The following SNED1 variants were observed in gnomAD, a reference collection of about 807,000 sequenced individuals.
The protein encoded by SNED1 is sushi, nidogen and EGF like domains 1.
In SNED1, 81 loss-of-function variants were observed where a neutral mutation model predicts 166.7. The ratio of observed to expected loss-of-function variants is 0.49; its 90% confidence interval spans 0.41 to 0.58. The LOEUF is 0.58. SNED1 is among the 20% of genes least tolerant of loss of function. SNED1 has a pLI of 0.00. For missense variants in SNED1, 1,604 were observed against 2,000.2 expected, an observed-to-expected ratio of 0.80 and a Z score of 3.78; for synonymous variants, 762 against 822.0, an observed-to-expected ratio of 0.93 and a Z score of 1.25.
chr2:241,071,302 G>A (rs2062701706), intron 24 of SNED1: 1 of 548,298 alleles, frequency 1.8e-6, no homozygotes, highest in Non-Finnish European at 3.3e-6. Context: ...CAGGGGCCTA[G>A]ACTCAGCCCT....
intron 9 of SNED1, 30 bp downstream of exon 9, chr2:241,048,470 T>G: frequency 1.9e-6 from 3 of 1,573,476 alleles, no homozygotes; most frequent in Non-Finnish European, 2.6e-6. Context: ...GCTGCCGTTT[T>G]AGGGCTGGGG....
intron 1 of SNED1, among the ~76,000 whole-genome samples, chr2:241,016,892 G>A (rs185814428): frequency 3.1e-5 from 4 of 128,548 alleles, no homozygotes; most frequent in Non-Finnish European, 4.7e-5. Flanking sequence ...TGCTCTTGTC[G>A]CCCAGGCTGG....
At chr2:241,036,979 G>C (rs2125025936) in intron 5 of SNED1, 64 bp downstream of exon 5, 1 of 1,541,072 alleles carries the variant, frequency 6.5e-7, no homozygotes, top group East Asian at 2.4e-5. Context: ...GAGCACTGTA[G>C]GCTCCGCCAG....
At position 241,013,130 on chromosome 2, in the gene SNED1, G is replaced by A. The variant is rs112962285; in HGVS notation, c.213+14080G>A. On this transcript the variant is annotated intron_variant, in intron 1 of 31. Transcript: ENST00000310397. The surrounding 1 kb of genome is among the most constrained non-coding windows in gnomAD (Gnocchi z 4.6). ...ATTACAGGCGTGAGCCACCGCGCCC[G>A]GCCACGAGCAGTACTGTTAACTACG... Among the ~76,000 whole-genome samples the A allele has an allele frequency of 0.12, 18,170 of 151,908 alleles. 1,464 individuals carry two copies. The highest frequency in any genetic ancestry group is 0.18 in the Non-Finnish European group (12,317 of 67,942).
At chr2:241,009,985 C>T (rs1430601353) in intron 1 of SNED1, 1 of 152,342 alleles carries the variant, frequency 6.6e-6, no homozygotes, top group Non-Finnish European at 1.5e-5. Flanking sequence ...CCAGCCCCCG[C>T]TGTGCCTGTG....
At chr2:241,066,516 C>T (rs1391187698) in intron 21 of SNED1, among the ~76,000 whole-genome samples, 3 of 152,140 alleles carry the variant, frequency 2.0e-5, no homozygotes, top group Admixed American at 2.0e-4. Flanking sequence ...GGACTCTCAC[C>T]CAACATGCCT....
chr2:241,032,956 A>G (rs548017357), intron 2 of SNED1, among the ~76,000 whole-genome samples: 3 of 152,182 alleles, frequency 2.0e-5, no homozygotes, highest in Non-Finnish European at 2.9e-5. Flanking sequence ...TTGCCATTCA[A>G]TTTGATCTTA....
At position 241,094,062 on chromosome 2, in the gene SNED1, A is replaced by G. The variant is rs2064225744; in HGVS notation, c.*2426A>G. 9.1e-6 allele frequency: 3 copies of G among 330,330 alleles called. No individual in the cohort carries two copies. Among genetic ancestry groups the G allele is most frequent in the South Asian group, 7.1e-5 (3 of 42,222 alleles). 20.5% of individuals were successfully genotyped at this position (330,330 alleles called of 1,614,324 possible). ...TCTAGGGAGGGTGGCAGTGACCGGG[A>G]TGCCACAATGGAAGAGAAAATGAAA... On this transcript the variant is annotated 3_prime_UTR_variant, in exon 32 of 32. Transcript: ENST00000310397. The surrounding 1 kb of genome is among the most constrained non-coding windows in gnomAD (Gnocchi z 4.3).
intron 27 of SNED1, among the ~76,000 whole-genome samples, chr2:241,079,113 C>CAA (rs1274280801): frequency 0.035 from 2,532 of 72,450 alleles, 53 homozygotes; most frequent in African/African-American, 0.045. Context: ...GACTCCATCT[C>CAA]AAAAAAAAAA....
chr2:241,066,350 A>C (rs1205535092), intron 21 of SNED1, among the ~76,000 whole-genome samples: 1 of 152,186 alleles, frequency 6.6e-6, no homozygotes, highest in Non-Finnish European at 1.5e-5. Flanking sequence ...GGAAGGAGAA[A>C]GGAGCCCTAG....
chr2:241,036,414 A>G (rs1260468545), intron 4 of SNED1, among the ~76,000 whole-genome samples: 9 of 152,068 alleles, frequency 5.9e-5, no homozygotes, highest in Non-Finnish European at 1.2e-4. Context: ...CGCTGACATG[A>G]CGGCTGAGTG....
chr2:241,088,227 G>A, intron 30 of SNED1, 138 bp from the exon 31 acceptor site: 1 of 703,006 alleles, frequency 1.4e-6, no homozygotes, highest in Admixed American at 2.1e-5. Context: ...AGCGGTGTCT[G>A]GACTAATGGT....
intron 8 of SNED1, among the ~76,000 whole-genome samples, chr2:241,047,255 G>A (rs575156129): frequency 3.9e-5 from 6 of 151,998 alleles, no homozygotes; most frequent in African/African-American, 1.2e-4. Flanking sequence ...GAATACTGCT[G>A]GGAATTAGGA....
chr2:241,017,353 C>A (rs12052678), intron 1 of SNED1, among the ~76,000 whole-genome samples: 44,008 of 152,022 alleles, frequency 0.29, 6,693 homozygotes, highest in Non-Finnish European at 0.35. Flanking sequence ...GCCAGCATGG[C>A]GTGGAGGGGA....
Position 241,094,763 on chromosome 2 carries a change from A to T in SNED1, c.*3127A>T, listed in dbSNP as rs1030910566. 1.8e-5 allele frequency: 3 copies of T among 170,218 alleles called. No individual in the cohort carries two copies. The highest frequency in any genetic ancestry group is 7.2e-5 in the African/African-American group (3 of 41,562). 10.5% of individuals were successfully genotyped at this position (170,218 alleles called of 1,614,324 possible). On this transcript the variant is annotated 3_prime_UTR_variant, in exon 32 of 32. Transcript: ENST00000310397. This position sits in a 1 kb window ranked among gnomAD's most constrained non-coding sequence, Gnocchi z 4.3. ...GCACCCCTGGCCTCTACCCACTAGA[A>T]TCCTACAATCTACCAGATCCTAGGA... is the stretch of plus-strand genomic sequence containing the variant.
Position 241,081,703 on chromosome 2 carries a change from C to T in SNED1, c.3943C>T (p.Pro1315Ser). Residue 1315 changes from proline (P) to serine (S), a missense_variant, in exon 28 of 32, where the codon CCC (proline) becomes TCC (serine). Pro to Ser is a moderately conservative substitution (Grantham distance 74). This residue lies in a region of SNED1 where 367 missense variants were observed against 379.4 expected (regional missense o/e 0.97). Coordinates refer to ENST00000310397, the MANE Select transcript of SNED1 (RefSeq NM_001080437.3). ...CGTCCCTGGCAACTGTTCAGAAAAC[C>T]CCTGTCAGAACGGAGGCACTTGTGT... ...GNVPGNCSEN[P>S]CQNGGTCVPG... is the part of the protein sequence containing the mutation. 6.2e-7 allele frequency: 1 copy of T among 1,608,370 alleles called. No individual in the cohort carries two copies. Among genetic ancestry groups the T allele is most frequent in the Non-Finnish European group, 8.5e-7 (1 of 1,177,368 alleles).
At chr2:241,076,556 T>C (rs2063028691) in intron 27 of SNED1, among the ~76,000 whole-genome samples, 1 of 152,204 alleles carries the variant, frequency 6.6e-6, no homozygotes, top group Non-Finnish European at 1.5e-5. Context: ...ATCATATCCT[T>C]TTAAAGATTA....
chr2:241,052,593 AGCAGGATATATGGGATACCAGTGCCAG>A, intron 15 of SNED1, 125 bp downstream of exon 15: 1 of 709,476 alleles, frequency 1.4e-6, no homozygotes, highest in Non-Finnish European at 2.4e-6. Context: ...CAGGGGGCCA[AGCAGGATATATGGGATACCAGTGCCAG>A]GCAGGTGAGA....
At chr2:241,030,641 C>G in intron 2 of SNED1, 70 bp downstream of exon 2, 1 of 1,486,150 alleles carries the variant, frequency 6.7e-7, no homozygotes, top group Non-Finnish European at 9.2e-7. Flanking sequence ...CGCACCAGGG[C>G]TCCCTCTTGC....
Sources: allele counts gnomAD v4.1 joint callset (sites outside exome capture counted in the v4.1 genomes callset), GRCh38; gene constraint gnomAD v4.1.1; regional missense constraint gnomAD v4.1.1; non-coding constraint Gnocchi (gnomAD v3.1); transcripts MANE v1.5; gene names NCBI Gene and HGNC (gene_info 2026-07-23, HGNC 2026-07-21).